PCSK2: variants seen among roughly 807,000 people sequenced by gnomAD.
PCSK2 encodes the protein neuroendocrine convertase 2.
Under a neutral mutation model 69.7 loss-of-function variants are expected in PCSK2, and 14 were observed. The observed-to-expected ratio is 0.20, with a 90% CI of 0.13 to 0.31. PCSK2 has a LOEUF of 0.31. Ranked by LOEUF, PCSK2 falls within the 10% of genes least tolerant of loss-of-function variation. The probability of loss-of-function intolerance (pLI) is 1.00; values close to 1 mark genes in which losing one functional copy is unlikely to be tolerated. For missense variants in PCSK2, 544 were observed against 842.5 expected, an observed-to-expected ratio of 0.65 and a Z score of 4.39; for synonymous variants, 307 against 320.7, an observed-to-expected ratio of 0.96 and a Z score of 0.46.
chr20:17,470,965 G>A (rs933454287), intron 11 of PCSK2, among the ~76,000 whole-genome samples: 1 of 152,200 alleles, frequency 6.6e-6, no homozygotes, highest in African/African-American at 2.4e-5. Flanking sequence ...GCAGTATTTA[G>A]GGGAAGAGTT....
At position 17,260,282 on chromosome 20, in the gene PCSK2, C is replaced by T. The variant is rs905091334; in HGVS notation, c.220C>T (p.Leu74Phe). ...EGLYHFYHNG[L>F]AKAKRRRSLH... ...TCTGTACCACTTTTATCACAATGGCCTTGCAAAGGCCAAGAGAAGACGCAG... is the reference window on the plus strand; with the variant it reads ...TCTGTACCACTTTTATCACAATGGCTTTGCAAAGGCCAAGAGAAGACGCAG... Residue 74 changes from leucine (L) to phenylalanine (F), a missense_variant, in exon 2 of 12, where the codon CTT (leucine) becomes TTT (phenylalanine). Leu to Phe is a conservative substitution (Grantham distance 22). Coordinates refer to ENST00000262545, the MANE Select transcript of PCSK2 (RefSeq NM_002594.5). The T allele has an allele frequency of 3.7e-6, 6 of 1,613,750 alleles. No individual in the cohort carries two copies. Among genetic ancestry groups the T allele is most frequent in the Admixed American group, 1.7e-5 (1 of 59,996 alleles).
intron 2 of PCSK2, among the ~76,000 whole-genome samples, chr20:17,266,523 A>C (rs1293281203): frequency 6.6e-6 from 1 of 152,204 alleles, no homozygotes; most frequent in East Asian, 1.9e-4. Context: ...CACTTTGCAC[A>C]CTTTAGAATT....
intron 8 of PCSK2, among the ~76,000 whole-genome samples, chr20:17,448,709 C>T (rs1166959844): frequency 6.6e-6 from 1 of 152,200 alleles, no homozygotes; most frequent in East Asian, 1.9e-4. Context: ...TCACTGCATC[C>T]TGGAGAAAAA....
intron 11 of PCSK2, among the ~76,000 whole-genome samples, chr20:17,468,624 C>T (rs985858010): frequency 2.0e-5 from 3 of 150,188 alleles, no homozygotes; most frequent in Admixed American, 6.7e-5. Flanking sequence ...CAGTGTCCTC[C>T]CGTAGAAGGG....
chr20:17,249,423 C>T (rs1211535282), intron 1 of PCSK2, among the ~76,000 whole-genome samples: 3 of 146,416 alleles, frequency 2.0e-5, no homozygotes, highest in Non-Finnish European at 3.0e-5. Context: ...AGGAGAATGG[C>T]GTTAACCTGG....
At chr20:17,384,430 A>AG (rs1415710443) in intron 5 of PCSK2, among the ~76,000 whole-genome samples, 1 of 149,242 alleles carries the variant, frequency 6.7e-6, no homozygotes, top group Non-Finnish European at 1.5e-5. Context: ...TCTACCAAAA[A>AG]AAAAAAAAAA....
intron 4 of PCSK2, among the ~76,000 whole-genome samples, chr20:17,365,233 C>T (rs2030550629): frequency 6.6e-6 from 1 of 152,130 alleles, no homozygotes; most frequent in African/African-American, 2.4e-5. Flanking sequence ...AACACTGCGT[C>T]CTCCCCTGGC....
chr20:17,285,183 G>A lies in PCSK2; in HGVS notation c.282+24839G>A, dbSNP rs538645121. Among the ~76,000 whole-genome samples, 5 of 152,284 alleles carry A rather than the reference G, an allele frequency of 3.3e-5. No individual in the cohort carries two copies. In the South Asian group the frequency reaches 1.0e-3, roughly 32 times the overall value. On this transcript the variant is annotated intron_variant, in intron 2 of 11. Transcript: ENST00000262545. ...AACCCTGTGAGGATGGCTTCAAGAA[G>A]GGTTGAAGAAAGCAGAAACAAAGAA...
At chr20:17,254,009 C>G (rs1483977088) in intron 1 of PCSK2, among the ~76,000 whole-genome samples, 1 of 152,150 alleles carries the variant, frequency 6.6e-6, no homozygotes, top group Admixed American at 6.5e-5. Flanking sequence ...GCCATTTTTA[C>G]TTCTTCTTTG....
chr20:17,303,430 A>G (rs1989164066), intron 2 of PCSK2, among the ~76,000 whole-genome samples: 1 of 74,004 alleles, frequency 1.4e-5, no homozygotes, highest in South Asian at 3.1e-4. Context: ...ATATATTTTT[A>G]ATATATAATA....
intron 2 of PCSK2, among the ~76,000 whole-genome samples, chr20:17,261,730 A>G (rs912967256): frequency 2.0e-5 from 3 of 152,198 alleles, no homozygotes; most frequent in African/African-American, 7.2e-5. Flanking sequence ...CTTGCCCTGA[A>G]CCCAAGGTGG....
chr20:17,351,681 T>C (rs1439447194), intron 2 of PCSK2, among the ~76,000 whole-genome samples: 1 of 152,154 alleles, frequency 6.6e-6, no homozygotes, highest in Non-Finnish European at 1.5e-5. Flanking sequence ...AAACTAGGCA[T>C]TGAAGAAACA....
intron 6 of PCSK2, among the ~76,000 whole-genome samples, chr20:17,426,365 C>T (rs987611085): frequency 1.3e-5 from 2 of 152,176 alleles, no homozygotes; most frequent in African/African-American, 4.8e-5. Context: ...AGTCAATTAA[C>T]CCTCTTTCCT....
chr20:17,280,296 G>C (rs1713060158), intron 2 of PCSK2, among the ~76,000 whole-genome samples: 1 of 152,294 alleles, frequency 6.6e-6, no homozygotes, highest in South Asian at 2.1e-4. Context: ...CCAAAATGTA[G>C]ATATACTATG....
At position 17,402,956 on chromosome 20, in the gene PCSK2, C is replaced by CA. The variant is rs1026767768; in HGVS notation, c.544-6296dup. 8.3e-3 allele frequency among the ~76,000 whole-genome samples: 1,131 copies of CA among 135,804 alleles called. 29 individuals carry two copies. The highest frequency in any genetic ancestry group is 0.04 in the Admixed American group (533 of 13,404). The allele number at this position is 135,804 out of a possible 152,430, so 89.1% of individuals were successfully genotyped here. ...TGGGCGACAGAGCGAGACTCCGTCT[C>CA]AAAAAAAAAAAGAAAAGAAAAGAAG... On this transcript the variant is annotated intron_variant, in intron 5 of 11. Coordinates refer to ENST00000262545, the MANE Select transcript of PCSK2 (RefSeq NM_002594.5).
At chr20:17,265,855 T>C (rs773858063) in intron 2 of PCSK2, among the ~76,000 whole-genome samples, 1 of 152,144 alleles carries the variant, frequency 6.6e-6, no homozygotes, top group South Asian at 2.1e-4. Context: ...AATTTTACCA[T>C]TGAGGCAAAA....
chr20:17,308,404 A>C (rs965863282), intron 2 of PCSK2, among the ~76,000 whole-genome samples: 1 of 152,240 alleles, frequency 6.6e-6, no homozygotes, highest in African/African-American at 2.4e-5. Context: ...AAGAGCCTAC[A>C]TTTGGGCTAA....
chr20:17,247,420 T>C (rs1460037862), intron 1 of PCSK2, among the ~76,000 whole-genome samples: 1 of 152,246 alleles, frequency 6.6e-6, no homozygotes, highest in Non-Finnish European at 1.5e-5. Context: ...AGTTTTTGTT[T>C]CTTAAACCTC....
intron 4 of PCSK2, among the ~76,000 whole-genome samples, chr20:17,367,205 T>C (rs2030619818): frequency 6.6e-6 from 1 of 152,178 alleles, no homozygotes; most frequent in African/African-American, 2.4e-5. Context: ...ATAGAAGCAA[T>C]TTAATTTCAA....
Sources: allele counts gnomAD v4.1 joint callset (sites outside exome capture counted in the v4.1 genomes callset), GRCh38; gene constraint gnomAD v4.1.1; transcripts MANE v1.5; gene names NCBI Gene and HGNC (gene_info 2026-07-23, HGNC 2026-07-21).